Variants in EFCC1 observed in about 807,000 individuals in gnomAD.
The protein encoded by EFCC1 is EF-hand and coiled-coil domain-containing protein 1.
A neutral mutation model predicts 52.1 loss-of-function variants in EFCC1; 50 were observed. That is an observed-to-expected ratio of 0.96 (90% CI 0.76 to 1.21). The LOEUF is 1.21. Ranked by LOEUF, EFCC1 falls within the 50% of genes most tolerant of loss-of-function variation. EFCC1 has a pLI of 0.00. For missense variants in EFCC1, 837 were observed against 867.3 expected (o/e 0.97, Z 0.44); for synonymous variants, 399 against 396.5 (o/e 1.01, Z -0.08).
intron 2 of EFCC1, among the ~76,000 whole-genome samples, chr3:129,029,090 A>C (rs758163382): frequency 6.6e-6 from 1 of 152,008 alleles, no homozygotes; most frequent in Non-Finnish European, 1.5e-5. Flanking sequence ...CTGCGATTCG[A>C]GTTCTCCCGT....
At chr3:129,036,776 G>A (rs1559976929) in intron 5 of EFCC1, among the ~76,000 whole-genome samples, 1 of 152,272 alleles carries the variant, frequency 6.6e-6, no homozygotes, top group Non-Finnish European at 1.5e-5. Flanking sequence ...AACCAGAGAA[G>A]AGAAGGGAGA....
chr3:129,013,807 C>T (rs1280327015), intron 2 of EFCC1, among the ~76,000 whole-genome samples: 4 of 152,218 alleles, frequency 2.6e-5, no homozygotes, highest in Non-Finnish European at 5.9e-5. Context: ...GGAGTCTGTT[C>T]TCCAAAGAAC....
At chr3:129,026,998 A>T (rs1368458492) in intron 2 of EFCC1, among the ~76,000 whole-genome samples, 1 of 152,122 alleles carries the variant, frequency 6.6e-6, no homozygotes, top group Non-Finnish European at 1.5e-5. Flanking sequence ...TGATGTTACT[A>T]AGGGTCCTGT....
intron 7 of EFCC1, 87 bp downstream of exon 7, chr3:129,038,987 A>C: frequency 8.7e-7 from 1 of 1,149,966 alleles, no homozygotes; most frequent in South Asian, 1.2e-5. Context: ...CATGCTTAGC[A>C]TCTTGTCTGC....
At chr3:129,027,673 A>G (rs1327200696) in intron 2 of EFCC1, among the ~76,000 whole-genome samples, 4 of 152,090 alleles carry the variant, frequency 2.6e-5, no homozygotes, top group African/African-American at 4.8e-5. Flanking sequence ...ATGGGGACTC[A>G]GGGCGGGTGC....
chr3:129,021,012 G>A (rs1209558685), intron 2 of EFCC1, among the ~76,000 whole-genome samples: 1 of 152,192 alleles, frequency 6.6e-6, no homozygotes, highest in East Asian at 1.9e-4. Flanking sequence ...ATCTCCTTGG[G>A]AGCAGTATCT....
At chr3:129,039,646 A>G in intron 7 of EFCC1, 66 bp from the exon 8 acceptor site, 2 of 1,509,090 alleles carry the variant, frequency 1.3e-6, no homozygotes, top group Non-Finnish European at 1.8e-6. Flanking sequence ...GGAAGGAGGG[A>G]CAGTGGCTCT....
intron 2 of EFCC1, among the ~76,000 whole-genome samples, chr3:129,015,506 G>A (rs1032463515): frequency 6.6e-6 from 1 of 151,948 alleles, no homozygotes; most frequent in Non-Finnish European, 1.5e-5. Context: ...TTCATCCTTC[G>A]GTGAATTAAA....
chr3:129,012,581 C>T (rs1945376739), intron 2 of EFCC1, among the ~76,000 whole-genome samples: 2 of 152,204 alleles, frequency 1.3e-5, no homozygotes, highest in African/African-American at 4.8e-5. Flanking sequence ...ATTGGCCCAG[C>T]CTGGGTCACA....
At chr3:129,005,584 G>C (rs1229288622) in intron 2 of EFCC1, among the ~76,000 whole-genome samples, 2 of 152,254 alleles carry the variant, frequency 1.3e-5, no homozygotes, top group African/African-American at 4.8e-5. Context: ...AAAGAGATGG[G>C]CAGATGGGGA....
intron 1 of EFCC1, among the ~76,000 whole-genome samples, chr3:129,003,480 G>T (rs751320014): frequency 6.6e-6 from 1 of 152,018 alleles, no homozygotes; most frequent in Non-Finnish European, 1.5e-5. Flanking sequence ...ACAGTAGGCC[G>T]AGAAGAGTCG....
intron 2 of EFCC1, among the ~76,000 whole-genome samples, chr3:129,008,110 A>G (rs1242053669): frequency 6.6e-6 from 1 of 152,214 alleles, no homozygotes; most frequent in African/African-American, 2.4e-5. Flanking sequence ...CCAGGCCCTG[A>G]TTCTAGACCA....
At chr3:129,008,041 G>C (rs1257506044) in intron 2 of EFCC1, among the ~76,000 whole-genome samples, 3 of 152,238 alleles carry the variant, frequency 2.0e-5, no homozygotes, top group Non-Finnish European at 4.4e-5. Context: ...TGATCCTTGA[G>C]AGTCACACAT....
At position 129,039,818 on chromosome 3, in the gene EFCC1, G is replaced by A. The variant is rs141879952; in HGVS notation, c.1770G>A (p.Ala590=). ...QPSAPASAAA[A]LTNPLLVSC ...CGGCACCAGCCTCTGCAGCAGCTGC[G>A]CTCACCAACCCCCTCCTCGTCTCCT... Residue 590 remains alanine, a synonymous_variant, in exon 8 of 8, where the codon GCG becomes GCA. Coordinates refer to ENST00000683648, the MANE Select transcript of EFCC1 (RefSeq NM_001377500.1). 3.0e-5 allele frequency: 49 copies of A among 1,610,804 alleles called. No homozygotes were observed. Among genetic ancestry groups the A allele is most frequent in the African/African-American group, 1.5e-4 (11 of 74,958 alleles).
At chr3:129,038,807 G>T in intron 6 of EFCC1, 24 bp from the exon 7 acceptor site, 2 of 1,612,612 alleles carry the variant, frequency 1.2e-6, no homozygotes, top group Non-Finnish European at 1.7e-6. Flanking sequence ...GTCTAATCCA[G>T]CCTTGTTTCC....
rs1488758841 is a variant in EFCC1, at chr3:129,002,201, C to A, written c.573C>A (p.Pro191=). 4.6e-6 allele frequency: 7 copies of A among 1,512,086 alleles called. No homozygotes were observed. Among genetic ancestry groups the A allele is most frequent in the African/African-American group, 1.4e-5 (1 of 69,248 alleles). 93.7% of individuals were successfully genotyped at this position (1,512,086 alleles called of 1,614,324 possible). Residue 191 remains proline (P), a synonymous_variant, in exon 1 of 8, where the codon CCC becomes CCA. Transcript: ENST00000683648. ...RRRRPPCAPG[P]DSGPDCERVA... ...GCCGCCCGCCCTGCGCGCCTGGCCC[C>A]GACAGCGGTCCTGACTGTGAGCGCG...
intron 5 of EFCC1, 101 bp downstream of exon 5, chr3:129,034,430 A>G: frequency 3.0e-6 from 4 of 1,342,770 alleles, no homozygotes; most frequent in Non-Finnish European, 4.0e-6. Flanking sequence ...TCATTCCCAG[A>G]TGAGTAAACC....
Position 129,001,737 on chromosome 3 carries a change from C to T in EFCC1, c.109C>T (p.His37Tyr), listed in dbSNP as rs368676820. 295 of 1,532,166 alleles carry T rather than the reference C, an allele frequency of 1.9e-4. 2 individuals carry two copies. The South Asian group carries it at 3.5e-3, about 18-fold the overall frequency. The allele number at this position is 1,532,166 out of a possible 1,614,324, so 94.9% of individuals were successfully genotyped here. ...TQWLLSALAH[H>Y]YGLDRGVENE... The stretch of plus-strand genomic sequence containing the variant: ...GTGGCTGCTGAGCGCCCTGGCGCAC[C>T]ACTACGGGCTGGACCGCGGCGTGGA... Residue 37 changes from histidine to tyrosine, a missense_variant, in exon 1 of 8, where the codon CAC becomes TAC. Transcript: ENST00000683648.
intron 2 of EFCC1, among the ~76,000 whole-genome samples, chr3:129,024,197 T>C (rs1945995416): frequency 1.3e-5 from 2 of 152,182 alleles, no homozygotes; most frequent in Non-Finnish European, 2.9e-5. Flanking sequence ...TTATTTGTTC[T>C]GCTGTAACAG....
Sources: allele counts gnomAD v4.1 joint callset (sites outside exome capture counted in the v4.1 genomes callset), GRCh38; gene constraint gnomAD v4.1.1; transcripts MANE v1.5; gene names NCBI Gene and HGNC (gene_info 2026-07-23, HGNC 2026-07-21).